CLMP: variants seen among roughly 807,000 people sequenced by gnomAD.
CLMP encodes the protein CXADR-like membrane protein.
CLMP carries 27 observed loss-of-function variants against 45.2 expected under a neutral mutation model. The ratio of observed to expected loss-of-function variants is 0.60; its 90% CI spans 0.44 to 0.82. The LOEUF is 0.82. Among genes scored for constraint, CLMP ranks in the 40% least tolerant of loss-of-function variants. The probability of loss-of-function intolerance (pLI) is 0.00; values close to 1 mark genes in which losing one functional copy is unlikely to be tolerated. For synonymous variants in CLMP, 167 were observed against 171.4 expected (o/e 0.97, Z 0.20); for missense variants, 403 against 448.4 (o/e 0.90, Z 0.91).
intron 1 of CLMP, among the ~76,000 whole-genome samples, chr11:123,130,832 T>C (rs1398123788): frequency 2.7e-5 from 4 of 150,776 alleles, no homozygotes; most frequent in East Asian, 1.9e-4. Context: ...GAATCGTTTT[T>C]TTCTTTTCCT....
At chr11:123,140,767 CT>C (rs1199061785) in intron 1 of CLMP, among the ~76,000 whole-genome samples, 2 of 152,128 alleles carry the variant, frequency 1.3e-5, no homozygotes, top group African/African-American at 2.4e-5. Flanking sequence ...TCCCTACATG[CT>C]AGTTGCACCT....
At chr11:123,191,311 A>C (rs980480839) in intron 1 of CLMP, 2 of 152,188 alleles carry the variant, frequency 1.3e-5, no homozygotes, top group African/African-American at 4.8e-5. Flanking sequence ...ATATGACTAG[A>C]TATAAGCCTA....
At chr11:123,148,866 G>A (rs115847498) in intron 1 of CLMP, among the ~76,000 whole-genome samples, 16 of 152,292 alleles carry the variant, frequency 1.1e-4, no homozygotes, top group African/African-American at 3.8e-4. Flanking sequence ...TAAAGACTGA[G>A]GTCTAGGGTG....
chr11:123,174,448 TC>T (rs1471195421), intron 1 of CLMP, among the ~76,000 whole-genome samples: 1 of 152,216 alleles, frequency 6.6e-6, no homozygotes, highest in African/African-American at 2.4e-5. Flanking sequence ...CAGCTTCTCT[TC>T]CATCTGGACA....
At chr11:123,105,467 G>A (rs1296942715) in intron 1 of CLMP, among the ~76,000 whole-genome samples, 2 of 147,422 alleles carry the variant, frequency 1.4e-5, no homozygotes, top group Non-Finnish European at 3.0e-5. Context: ...GTCTTGCTCT[G>A]TCGCCCAGGC....
intron 1 of CLMP, among the ~76,000 whole-genome samples, chr11:123,131,364 A>G (rs1860986214): frequency 6.6e-6 from 1 of 152,176 alleles, no homozygotes; most frequent in Admixed American, 6.5e-5. Context: ...TATAGAAAGA[A>G]TATTTTGACA....
intron 1 of CLMP, among the ~76,000 whole-genome samples, chr11:123,176,414 G>A (rs937202197): frequency 3.3e-5 from 5 of 152,204 alleles, no homozygotes; most frequent in Admixed American, 6.5e-5. Context: ...ACCCAAGGAA[G>A]CTTAACCATT....
intron 1 of CLMP, among the ~76,000 whole-genome samples, chr11:123,161,945 A>G (rs1396482248): frequency 6.6e-6 from 1 of 152,190 alleles, no homozygotes; most frequent in East Asian, 1.9e-4. Flanking sequence ...CATGTACAAT[A>G]TGAGGCTTTG....
chr11:123,152,552 AAATAAATAAAT>A (rs1861352153), intron 1 of CLMP, among the ~76,000 whole-genome samples: 2 of 150,912 alleles, frequency 1.3e-5, no homozygotes, highest in African/African-American at 2.4e-5. Flanking sequence ...ATAAATAAAT[AAATAAATAAAT>A]AAAAAATAAA....
rs149356087 is a variant in CLMP at position 123,136,009 on chromosome 11, A to T, written c.29-38057T>A. On this transcript the variant is annotated intron_variant, in intron 1 of 6. Transcript: ENST00000448775. ...ATAAATTCTATTGCTTCTTCAATTAAATTGTTGATTTCCGGTGCTGCTTTG... is the reference window on the plus strand; with the variant it reads ...ATAAATTCTATTGCTTCTTCAATTATATTGTTGATTTCCGGTGCTGCTTTG... 2.0e-3 allele frequency: 1,127 copies of T among 572,502 alleles called. 15 individuals carry two copies. The African/African-American group carries it at 0.02, about 10-fold the overall frequency. The allele number at this position is 572,502 out of a possible 1,614,324, so 35.5% of individuals were successfully genotyped here. A position where few individuals can be genotyped will look rare whatever the true frequency, so the allele number is the denominator to read the frequency against.
In CLMP at chr11:123,073,479, C is replaced by T. The variant is rs1420626873; in HGVS notation, c.1117G>A (p.Val373Ile). Residue 373 changes from valine (V) to isoleucine (I), a missense_variant, in exon 7 of 7, where the codon GTC becomes ATC. Val to Ile is a conservative substitution (Grantham distance 29). Coordinates refer to ENST00000448775, the MANE Select transcript of CLMP (RefSeq NM_024769.5). ...GGAGTCAAGTCCATTGTAATTCAGACCGTTTGGAAGGCTCTGCTCTGGCTG... is the reference window on the plus strand; with the variant it reads ...GGAGTCAAGTCCATTGTAATTCAGATCGTTTGGAAGGCTCTGCTCTGGCTG... ...IPSQSRAFQT[V>I] The T allele has an allele frequency of 4.4e-6, 7 of 1,608,018 alleles. No homozygotes were observed. Among genetic ancestry groups the T allele is most frequent in the Non-Finnish European group, 5.9e-6 (7 of 1,176,680 alleles).
intron 1 of CLMP, among the ~76,000 whole-genome samples, chr11:123,154,205 C>G (rs944229624): frequency 4.6e-5 from 7 of 152,310 alleles, no homozygotes; most frequent in African/African-American, 1.7e-4. Flanking sequence ...ACCCCCTCCT[C>G]CATGCAGGTA....
At chr11:123,083,013 G>C in intron 5 of CLMP, 72 bp downstream of exon 5, 1 of 1,558,730 alleles carries the variant, frequency 6.4e-7, no homozygotes, top group Non-Finnish European at 8.8e-7. Flanking sequence ...CTTATGATTA[G>C]AATGTCTTAA....
intron 1 of CLMP, among the ~76,000 whole-genome samples, chr11:123,178,679 A>T (rs1466025892): frequency 6.6e-6 from 1 of 152,216 alleles, no homozygotes; most frequent in East Asian, 1.9e-4. Flanking sequence ...TTACATTTGT[A>T]AAAGAGAAGA....
At chr11:123,136,560 A>ATTTTTTTTTTTTTTTT (rs34074982) in intron 1 of CLMP, among the ~76,000 whole-genome samples, 1 of 85,858 alleles carries the variant, frequency 1.2e-5, no homozygotes, top group Non-Finnish European at 2.1e-5. Context: ...CTTTTAAGTA[A>ATTTTTTTTTTTTTTTT]TTTTTTTTTT....
chr11:123,138,614 C>T (rs1244130708), intron 1 of CLMP, among the ~76,000 whole-genome samples: 1 of 138,934 alleles, frequency 7.2e-6, no homozygotes, highest in South Asian at 2.8e-4. Flanking sequence ...CCCCCTCCCC[C>T]TCCCCTGCCA....
intron 1 of CLMP, among the ~76,000 whole-genome samples, chr11:123,188,348 C>T (rs1161270452): frequency 6.6e-6 from 1 of 152,218 alleles, no homozygotes; most frequent in Admixed American, 6.5e-5. Context: ...AGAGGCTGCT[C>T]TGTAAACACC....
intron 1 of CLMP, among the ~76,000 whole-genome samples, chr11:123,163,095 G>A (rs1861509672): frequency 1.3e-5 from 2 of 152,090 alleles, no homozygotes; most frequent in African/African-American, 4.8e-5. Flanking sequence ...CTGGAAGCAG[G>A]AAGAAGAGTC....
At chr11:123,097,731 A>G in intron 2 of CLMP, 64 bp downstream of exon 2, 1 of 1,286,520 alleles carries the variant, frequency 7.8e-7, no homozygotes, top group East Asian at 2.5e-5. Flanking sequence ...AGACTGGAAG[A>G]CTGAAGAAAG....
Sources: allele counts gnomAD v4.1 joint callset (sites outside exome capture counted in the v4.1 genomes callset), GRCh38; gene constraint gnomAD v4.1.1; transcripts MANE v1.5; gene names NCBI Gene and HGNC (gene_info 2026-07-23, HGNC 2026-07-21).